CCNB3: variants seen among roughly 807,000 people sequenced by gnomAD.
The protein encoded by CCNB3 is cyclin B3.
CCNB3 carries 12 observed loss-of-function variants against 68.0 expected under a neutral mutation model. That is an observed-to-expected ratio of 0.18 (90% CI 0.11 to 0.29). CCNB3 has a LOEUF of 0.29. Among genes scored for constraint, CCNB3 ranks in the 10% least tolerant of loss-of-function variants. The pLI, the probability that CCNB3 is intolerant of heterozygous loss-of-function variation, is 1.00. For missense variants in CCNB3, 904 were observed against 993.1 expected (o/e 0.91, Z 1.21); for synonymous variants, 354 against 388.9 (o/e 0.91, Z 1.06).
At chrX:50,291,135 T>G (rs1329144730) in intron 4 of CCNB3, among the ~76,000 whole-genome samples, 1 of 111,534 alleles carries the variant, frequency 9.0e-6, no homozygotes. Context: ...TTAGTTAATC[T>G]GCTGTGAGTT....
chrX:50,304,977 A>G (rs1557213273), intron 5 of CCNB3, among the ~76,000 whole-genome samples: 1 of 111,872 alleles, frequency 8.9e-6, no homozygotes, highest in Non-Finnish European at 1.9e-5. Flanking sequence ...ACCAGTTAGA[A>G]TGGCGATCAT....
chrX:50,316,871 T>C lies in CCNB3; in HGVS notation c.3516+2923T>C, dbSNP rs782631251. Among the ~76,000 whole-genome samples, 9 of 112,632 alleles carry C rather than the reference T, an allele frequency of 8.0e-5. No homozygotes were observed. In the East Asian group the frequency reaches 1.9e-3, roughly 24 times the overall value. Reference sequence around the variant, plus strand: ...CCTGTGGAAGGGTATTTAGTTTGTTTCCAGTTTTTGATGACTGTGAAAAGA... The same window carrying C: ...CCTGTGGAAGGGTATTTAGTTTGTTCCCAGTTTTTGATGACTGTGAAAAGA... On this transcript the variant is annotated intron_variant, in intron 8 of 12. Transcript: ENST00000376042.
At chrX:50,314,527 A>G (rs1287786688) in intron 8 of CCNB3, among the ~76,000 whole-genome samples, 3 of 112,256 alleles carry the variant, frequency 2.7e-5, no homozygotes, top group East Asian at 2.8e-4. Context: ...TTGCAAGGAA[A>G]CATACAGCAT....
intron 3 of CCNB3, among the ~76,000 whole-genome samples, chrX:50,288,574 C>T (rs782360948): frequency 9.0e-6 from 1 of 111,137 alleles, no homozygotes; most frequent in South Asian, 3.9e-4. Flanking sequence ...AGACGTACCC[C>T]ATTAACAATG....
upstream of CCNB3, among the ~76,000 whole-genome samples, chrX:50,204,116 G>T (rs1211926302): frequency 7.2e-5 from 8 of 111,621 alleles, no homozygotes; most frequent in Non-Finnish European, 1.5e-4. Context: ...CCACAATACT[G>T]GGCACACAGG....
intron 1 of CCNB3, among the ~76,000 whole-genome samples, chrX:50,216,519 C>T (rs944906150): frequency 8.1e-5 from 9 of 110,962 alleles, no homozygotes; most frequent in Admixed American, 2.9e-4. Flanking sequence ...CCGCTCGCCT[C>T]GGCCTCCTAA....
intron 3 of CCNB3, among the ~76,000 whole-genome samples, chrX:50,288,460 T>C (rs782451362): frequency 3.7e-4 from 41 of 111,317 alleles, no homozygotes; most frequent in African/African-American, 1.1e-3. Flanking sequence ...CTACCTTGGA[T>C]AGGATAACCG....
upstream of CCNB3, among the ~76,000 whole-genome samples, chrX:50,203,259 T>G (rs781794039): frequency 8.9e-6 from 1 of 112,092 alleles, no homozygotes; most frequent in South Asian, 3.7e-4. Flanking sequence ...ATGAAGATAA[T>G]AAAAATGGGA....
intron 1 of CCNB3, among the ~76,000 whole-genome samples, chrX:50,208,039 G>A (rs1557205799): frequency 8.9e-6 from 1 of 111,891 alleles, no homozygotes; most frequent in African/African-American, 3.3e-5. Context: ...TTGGTGACTG[G>A]CTTCGTAGCA....
chrX:50,279,336 AAT>A (rs1365211259), intron 1 of CCNB3, among the ~76,000 whole-genome samples: 24 of 75,064 alleles, frequency 3.2e-4, no homozygotes, highest in African/African-American at 7.9e-4. Context: ...AATATATATG[AAT>A]ATATATATGA....
At chrX:50,205,174 G>A (rs1348743711) in intron 1 of CCNB3, among the ~76,000 whole-genome samples, 1 of 112,496 alleles carries the variant, frequency 8.9e-6, no homozygotes, top group African/African-American at 3.2e-5. Flanking sequence ...GACCGTGGTG[G>A]CTCACGCCTG....
At chrX:50,295,392 C>T (rs1425336427) in intron 5 of CCNB3, among the ~76,000 whole-genome samples, 2 of 111,160 alleles carry the variant, frequency 1.8e-5, no homozygotes, top group African/African-American at 6.5e-5. Flanking sequence ...GGAGGTTTGT[C>T]CCATGTTACT....
intron 1 of CCNB3, among the ~76,000 whole-genome samples, chrX:50,284,313 T>C (rs952898327): frequency 9.0e-6 from 1 of 111,461 alleles, no homozygotes; most frequent in Non-Finnish European, 1.9e-5. Context: ...CTAGAAACTA[T>C]GTAAACGGTG....
intron 1 of CCNB3, among the ~76,000 whole-genome samples, chrX:50,226,259 T>C (rs1358183605): frequency 1.6e-4 from 10 of 63,198 alleles, no homozygotes; most frequent in African/African-American, 7.0e-4. Context: ...TATATATATT[T>C]ATATATATAG....
Position 50,311,301 on chromosome X carries a change from T to C in CCNB3, c.3132T>C (p.Phe1044=), listed in dbSNP as rs1208478767. Residue 1044 remains phenylalanine, a synonymous_variant, in exon 6 of 13, where the codon TTT becomes TTC. Coordinates refer to ENST00000376042, the MANE Select transcript of CCNB3 (RefSeq NM_033031.3). ...GTCCCACCTGCAAGGAAGACACCTTTCTGGAAACATTCTTGATCCCCCAAA... is the reference window on the plus strand; with the variant it reads ...GTCCCACCTGCAAGGAAGACACCTTCCTGGAAACATTCTTGATCCCCCAAA... ...QESPTCKEDT[F]LETFLIPQIG... 12 of 1,209,617 alleles carry C rather than the reference T, an allele frequency of 9.9e-6. No individual in the cohort carries two copies. The Middle Eastern group carries it at 6.9e-4, about 70-fold the overall frequency.
At chrX:50,350,260 C>CACACAT (rs1313301302) in intron 11 of CCNB3, among the ~76,000 whole-genome samples, 2 of 109,507 alleles carry the variant, frequency 1.8e-5, no homozygotes, top group Non-Finnish European at 3.8e-5. Flanking sequence ...CACACACACA[C>CACACAT]ACACACACAC....
At chrX:50,328,516 G>T (rs1189239312) in intron 8 of CCNB3, among the ~76,000 whole-genome samples, 2 of 111,484 alleles carry the variant, frequency 1.8e-5, no homozygotes, top group East Asian at 2.8e-4. Context: ...ACCAAGCCAT[G>T]AGGGATCTGT....
At chrX:50,283,141 G>A (rs1055641436) in intron 1 of CCNB3, among the ~76,000 whole-genome samples, 1 of 111,768 alleles carries the variant, frequency 8.9e-6, no homozygotes, top group African/African-American at 3.2e-5. Flanking sequence ...CAAGTAAGTG[G>A]TGTTATAGCT....
intron 1 of CCNB3, among the ~76,000 whole-genome samples, chrX:50,226,311 T>A (rs1935792306): frequency 1.8e-5 from 1 of 57,056 alleles, no homozygotes; most frequent in South Asian, 1.2e-3. Context: ...TATAGAAATA[T>A]ATAAACATAT....
Sources: allele counts gnomAD v4.1 joint callset (sites outside exome capture counted in the v4.1 genomes callset), GRCh38; gene constraint gnomAD v4.1.1; transcripts MANE v1.5; gene names NCBI Gene and HGNC (gene_info 2026-07-23, HGNC 2026-07-21).